NR1I3: variants seen among roughly 807,000 people sequenced by gnomAD.
The protein encoded by NR1I3 is nuclear receptor subfamily 1 group I member 3, also known as constitutive activator of retinoid response.
Under a neutral mutation model 38.4 loss-of-function variants are expected in NR1I3, and 30 were observed. The observed-to-expected ratio is 0.78, with a 90% confidence interval of 0.58 to 1.06. NR1I3 has a LOEUF of 1.06. NR1I3 is among the 50% of genes least tolerant of loss of function. NR1I3 has a pLI of 0.00. For missense variants in NR1I3, 388 were observed against 435.7 expected, an observed-to-expected ratio of 0.89 and a Z score of 0.97; for synonymous variants, 143 against 165.1, an observed-to-expected ratio of 0.87 and a Z score of 1.03.
intron 3 of NR1I3, among the ~76,000 whole-genome samples, chr1:161,233,621 G>A (rs145281015): frequency 8.5e-5 from 13 of 152,272 alleles, no homozygotes; most frequent in Non-Finnish European, 1.8e-4. Flanking sequence ...GAGGAAAGGT[G>A]CGAGGGCTTT....
rs528932076 is a variant in NR1I3, at chr1:161,230,074, A to G, written c.918-148T>C. On this transcript the variant is annotated intron_variant, in intron 8 of 8. Coordinates refer to ENST00000367983, the MANE Select transcript of NR1I3 (RefSeq NM_005122.5). ...AAATCATGCTCTGGTATGACAGACT[A>G]TCAGAGGTTCCAAAGGTCCTCCAGG... 18 of 964,954 alleles carry G rather than the reference A, an allele frequency of 1.9e-5. No individual in the cohort carries two copies. The African/African-American group carries it at 2.8e-4, about 15-fold the overall frequency. 59.8% of individuals were successfully genotyped at this position (964,954 alleles called of 1,614,324 possible).
chr1:161,236,111 G>A lies in NR1I3; in HGVS notation c.108-134C>T, dbSNP rs1668569222. The A allele has an allele frequency of 3.7e-5, 37 of 992,886 alleles. No individual in the cohort carries two copies. The South Asian group carries it at 6.3e-4, about 17-fold the overall frequency. 61.5% of individuals were successfully genotyped at this position (992,886 alleles called of 1,614,324 possible). A position where few individuals can be genotyped will look rare whatever the true frequency, so the allele number is the denominator to read the frequency against. On this transcript the variant is annotated intron_variant, in intron 2 of 8. Transcript: ENST00000367983. ...GCTGTGCCCAAAGGTCCCCAGGGGT[G>A]GATAGTATCCAACACATCTCAAGCA... is the stretch of plus-strand genomic sequence containing the variant.
rs532291321 is a variant in NR1I3 at position 161,232,714 on chromosome 1, C to T, written c.548+93G>A. ...AAGACCTAATGCTTGGAAAGGCTGA[C>T]GCATGTGATAATTTGTAGTCAGTGA... is the stretch of plus-strand genomic sequence containing the variant. On this transcript the variant is annotated intron_variant, in intron 5 of 8. Coordinates refer to ENST00000367983, the MANE Select transcript of NR1I3 (RefSeq NM_005122.5). The T allele has an allele frequency of 5.7e-5, 71 of 1,252,028 alleles. No homozygotes were observed. The African/African-American group carries it at 7.7e-4, about 14-fold the overall frequency. 77.6% of individuals were successfully genotyped at this position (1,252,028 alleles called of 1,614,324 possible). A position where few individuals can be genotyped will look rare whatever the true frequency, so the allele number is the denominator to read the frequency against.
At position 161,233,241 on chromosome 1, in the gene NR1I3, CTCT is replaced by C. The variant is rs747407591; in HGVS notation, c.333_335del (p.Glu112del). 1 of 1,614,224 alleles carries C rather than the reference CTCT, an allele frequency of 6.2e-7. No homozygotes were observed. Among genetic ancestry groups the C allele is most frequent in the Non-Finnish European group, 8.5e-7 (1 of 1,180,038 alleles). ...GGGCCCCCAGGAGTGTCCGGATCAGCTCTTCTTGCTCCTTACTCAGTTGCACAG... is the reference window on the plus strand; with the variant it reads ...GGGCCCCCAGGAGTGTCCGGATCAGCTCTTGCTCCTTACTCAGTTGCACAG... On this transcript the variant is annotated inframe_deletion, in exon 4 of 9. Transcript: ENST00000367983.
At chr1:161,235,573 T>C (rs1386093304) in intron 3 of NR1I3, 2 of 339,658 alleles carry the variant, frequency 5.9e-6, no homozygotes, top group Admixed American at 4.7e-5. Context: ...CGGCCTGGTG[T>C]TTCTAAGAAT....
Position 161,231,180 on chromosome 1 carries a change from G to C in NR1I3, c.748C>G (p.Arg250Gly), listed in dbSNP as rs144211465. Residue 250 changes from arginine (R) to glycine (G), a missense_variant, in exon 7 of 9, where the codon CGA becomes GGA. Physicochemically the swap from Arg to Gly is moderately radical, Grantham distance 125. Coordinates refer to ENST00000367983, the MANE Select transcript of NR1I3 (RefSeq NM_005122.5). Reference sequence around the variant, plus strand: ...TCAGGCTCTTGGAGCTGCAGTTTTCGTAGTGTTCCATGGAAGTGAAAGAGC... The same window carrying C: ...TCAGGCTCTTGGAGCTGCAGTTTTCCTAGTGTTCCATGGAAGTGAAAGAGC... ...ELLFHFHGTL[R>G]KLQLQEPEYV... The C allele has an allele frequency of 4.3e-5, 70 of 1,613,964 alleles. No individual in the cohort carries two copies. Among genetic ancestry groups the C allele is most frequent in the Non-Finnish European group, 5.2e-5 (61 of 1,180,024 alleles).
Position 161,233,189 on chromosome 1 carries a change from C to G in NR1I3, c.388G>C (p.Glu130Gln), listed in dbSNP as rs1379991949. Residue 130 changes from glutamate (E) to glutamine (Q), a missense_variant, in exon 4 of 9, where the codon GAA becomes CAA. Glu to Gln is a conservative substitution (Grantham distance 29). Coordinates refer to ENST00000367983, the MANE Select transcript of NR1I3 (RefSeq NM_005122.5). The stretch of plus-strand genomic sequence containing the variant: ...CTCACCCTAAACTGCACAAACTGTT[C>G]AAACATGGTGCCCATGTGGCGGGTG... ...AHTRHMGTMF[E>Q]QFVQFRPPAH... is the part of the protein sequence containing the mutation. The G allele has an allele frequency of 6.2e-7, 1 of 1,614,070 alleles. No homozygotes were observed. Among genetic ancestry groups the G allele is most frequent in the African/African-American group, 1.3e-5 (1 of 74,936 alleles).
Position 161,229,915 on chromosome 1 carries a change from G to A in NR1I3, c.929C>T (p.Ala310Val), listed in dbSNP as rs200408085. ...QRRPRDRFLYAKLLGLLAELR... is the reference protein window; with the variant it reads ...QRRPRDRFLYVKLLGLLAELR... ...CTCAGCCAGCAGGCCTAGCAACTTC[G>A]CATACAGAAACCTTTGGAGGAAGTA... Residue 310 changes from alanine to valine, a missense_variant, in exon 9 of 9, where the codon GCG becomes GTG. Physicochemically the swap from Ala to Val is moderately conservative, Grantham distance 64. Coordinates refer to ENST00000367983, the MANE Select transcript of NR1I3 (RefSeq NM_005122.5). 6.4e-5 allele frequency: 104 copies of A among 1,614,018 alleles called. No individual in the cohort carries two copies. Among genetic ancestry groups the A allele is most frequent in the South Asian group, 1.2e-4 (11 of 91,072 alleles).
chr1:161,234,423 A>G (rs1668154206), intron 3 of NR1I3, among the ~76,000 whole-genome samples: 1 of 152,164 alleles, frequency 6.6e-6, no homozygotes, highest in Non-Finnish European at 1.5e-5. Context: ...AAGATCCAAG[A>G]TCAAACCAAG....
intron 3 of NR1I3, among the ~76,000 whole-genome samples, chr1:161,233,570 G>T (rs1340615863): frequency 6.6e-6 from 1 of 152,234 alleles, no homozygotes; most frequent in African/African-American, 2.4e-5. Context: ...ACTGCACTGT[G>T]GGGGAGAAGG....
chr1:161,231,238 G>A lies in NR1I3; in HGVS notation c.695-5C>T, dbSNP rs890432042. 6.2e-7 allele frequency: 1 copy of A among 1,613,996 alleles called. No homozygotes were observed. The highest frequency in any genetic ancestry group is 8.5e-7 in the Non-Finnish European group (1 of 1,180,034). On this transcript the variant is annotated splice_polypyrimidine_tract_variant and splice_region_variant and intron_variant, in intron 6 of 8. Transcript: ENST00000367983. ...AAAACTCTACCTGGAACCCCACTGTGGGAGATACTAGGATTAGGAGCCTCT... is the reference window on the plus strand; with the variant it reads ...AAAACTCTACCTGGAACCCCACTGTAGGAGATACTAGGATTAGGAGCCTCT...
chr1:161,230,107 G>A (rs746433585), intron 8 of NR1I3, 181 bp from the exon 9 acceptor site: 16 of 654,370 alleles, frequency 2.4e-5, no homozygotes, highest in Admixed American at 6.1e-5. Flanking sequence ...AGGGGGCCTC[G>A]GTCTGACACT....
rs767001752 is a variant in NR1I3, at chr1:161,233,358, A to G, written c.239-20T>C. The G allele has an allele frequency of 2.5e-6, 4 of 1,608,820 alleles. No individual in the cohort carries two copies. In the Admixed American group the frequency reaches 5.0e-5, roughly 20 times the overall value. ...GTATCACTGTGCCAGGCAAGAGATC[A>G]TGACAAAGCTGTTGAGACCAGCAGA... On this transcript the variant is annotated intron_variant, in intron 3 of 8. Coordinates refer to ENST00000367983, the MANE Select transcript of NR1I3 (RefSeq NM_005122.5).
At chr1:161,236,865 T>TACA (rs2102200898) in intron 1 of NR1I3, among the ~76,000 whole-genome samples, 1 of 151,984 alleles carries the variant, frequency 6.6e-6, no homozygotes, top group Admixed American at 6.6e-5. Flanking sequence ...TAGCAGGGAC[T>TACA]ACAGGTCCAG....
chr1:161,230,199 A>C, intron 8 of NR1I3: 2 of 442,882 alleles, frequency 4.5e-6, no homozygotes, highest in Non-Finnish European at 8.2e-6. Flanking sequence ...CTTGGCCAGA[A>C]CTCCAACCAT....
intron 1 of NR1I3, among the ~76,000 whole-genome samples, chr1:161,236,970 A>ATT (rs10629312): frequency 0.028 from 3,869 of 136,430 alleles, 149 homozygotes; most frequent in African/African-American, 0.097. Flanking sequence ...TTTTTTGTTT[A>ATT]TTTTTTTTTG....
At chr1:161,234,744 C>G (rs1386473182) in intron 3 of NR1I3, among the ~76,000 whole-genome samples, 2 of 152,188 alleles carry the variant, frequency 1.3e-5, no homozygotes, top group African/African-American at 4.8e-5. Context: ...GGCAAATTAA[C>G]TTCCGTGAGC....
Position 161,231,158 on chromosome 1 carries a change from G to A in NR1I3, c.770C>T (p.Pro257Leu), listed in dbSNP as rs1295789450. 1 of 1,614,108 alleles carries A rather than the reference G, an allele frequency of 6.2e-7. No individual in the cohort carries two copies. The highest frequency in any genetic ancestry group is 1.3e-5 in the African/African-American group (1 of 75,024). Reference protein sequence around the residue: ...GTLRKLQLQEPEYVLLAAMAL... With the variant: ...GTLRKLQLQELEYVLLAAMAL... The stretch of plus-strand genomic sequence containing the variant: ...CATGGCAGCCAAGAGCACATACTCA[G>A]GCTCTTGGAGCTGCAGTTTTCGTAG... The change falls in exon 7 of 9, where the codon CCT becomes CTT. Residue 257 changes from proline (P) to leucine (L), a missense_variant. Physicochemically the swap from Pro to Leu is moderately conservative, Grantham distance 98 (BLOSUM62 -3). Transcript: ENST00000367983.
At chr1:161,234,702 G>C (rs564572136) in intron 3 of NR1I3, among the ~76,000 whole-genome samples, 2 of 152,224 alleles carry the variant, frequency 1.3e-5, no homozygotes, top group East Asian at 3.9e-4. Context: ...CACCGTGCTC[G>C]GCCTGCACAA....
Sources: allele counts gnomAD v4.1 joint callset (sites outside exome capture counted in the v4.1 genomes callset), GRCh38; gene constraint gnomAD v4.1.1; transcripts MANE v1.5; gene names NCBI Gene and HGNC (gene_info 2026-07-23, HGNC 2026-07-21).